DPYD: variants seen among roughly 807,000 people sequenced by gnomAD.
DPYD encodes the protein dihydropyrimidine dehydrogenase [NADP(+)].
DPYD carries 109 observed loss-of-function variants against 116.2 expected under a neutral mutation model. The observed-to-expected ratio is 0.94, with a 90% CI of 0.80 to 1.10. The LOEUF (loss-of-function observed/expected upper bound fraction) is 1.10, where lower values mean the gene tolerates loss of function less well. DPYD is among the 50% of genes least tolerant of loss of function. The pLI is 0.00. For missense variants in DPYD, 1,302 were observed against 1,254.5 expected (o/e 1.04, Z -0.57); for synonymous variants, 440 against 432.0 (o/e 1.02, Z -0.23).
intron 6 of DPYD, among the ~76,000 whole-genome samples, chr1:97,692,095 G>C (rs987459828): frequency 2.0e-5 from 3 of 151,866 alleles, no homozygotes; most frequent in Non-Finnish European, 4.4e-5. Context: ...GTTCAATAAA[G>C]TATTTGGTTG....
chr1:97,857,506 T>C (rs1278020837), intron 2 of DPYD, among the ~76,000 whole-genome samples: 1 of 152,114 alleles, frequency 6.6e-6, no homozygotes, highest in East Asian at 1.9e-4. Flanking sequence ...CAGTCACGCC[T>C]ATGTAATGAA....
At chr1:97,419,509 T>G (rs1273104606) in intron 14 of DPYD, among the ~76,000 whole-genome samples, 1 of 152,206 alleles carries the variant, frequency 6.6e-6, no homozygotes, top group Non-Finnish European at 1.5e-5. Context: ...TAATGACATC[T>G]TTGAAAATTA....
At chr1:97,750,905 A>C (rs1229533683) in intron 3 of DPYD, among the ~76,000 whole-genome samples, 1 of 152,152 alleles carries the variant, frequency 6.6e-6, no homozygotes, top group East Asian at 1.9e-4. Context: ...CATATACCAA[A>C]GGATGACCAT....
At chr1:97,361,265 A>G (rs1670709673) in intron 16 of DPYD, among the ~76,000 whole-genome samples, 1 of 152,214 alleles carries the variant, frequency 6.6e-6, no homozygotes, top group African/African-American at 2.4e-5. Flanking sequence ...AAGAAGATGA[A>G]TCTCTGAATA....
chr1:97,676,357 A>T (rs1041278188), intron 8 of DPYD, among the ~76,000 whole-genome samples: 4 of 152,140 alleles, frequency 2.6e-5, no homozygotes, highest in Non-Finnish European at 5.9e-5. Flanking sequence ...GATTTGTGTA[A>T]CTTCCGGCTC....
chr1:97,126,280 C>A (rs1296280743), intron 20 of DPYD, among the ~76,000 whole-genome samples: 1 of 152,120 alleles, frequency 6.6e-6, no homozygotes, highest in African/African-American at 2.4e-5. Context: ...TTGTTCCCAT[C>A]CTACTTGTTT....
intron 20 of DPYD, among the ~76,000 whole-genome samples, chr1:97,100,991 A>G (rs1650641532): frequency 6.6e-6 from 1 of 152,078 alleles, no homozygotes; most frequent in Non-Finnish European, 1.5e-5. Flanking sequence ...AGTCCTAAAG[A>G]GAGAATCTCA....
At chr1:97,392,876 G>T (rs1207762640) in intron 14 of DPYD, among the ~76,000 whole-genome samples, 1 of 151,822 alleles carries the variant, frequency 6.6e-6, no homozygotes, top group East Asian at 1.9e-4. Flanking sequence ...CCCTCACAAG[G>T]CTTGCAATCA....
chr1:97,559,179 T>A (rs545609496), intron 11 of DPYD, among the ~76,000 whole-genome samples: 4 of 152,104 alleles, frequency 2.6e-5, no homozygotes, highest in African/African-American at 7.2e-5. Context: ...GCAAACAAAA[T>A]TTTTTAAATG....
chr1:97,482,457 C>T (rs1408027261), intron 13 of DPYD, among the ~76,000 whole-genome samples: 1 of 152,076 alleles, frequency 6.6e-6, no homozygotes, highest in African/African-American at 2.4e-5. Context: ...GGAAAGATAC[C>T]GTTTCCATGT....
chr1:97,516,318 G>A (rs926269160), intron 12 of DPYD, among the ~76,000 whole-genome samples: 5 of 151,994 alleles, frequency 3.3e-5, no homozygotes, highest in Non-Finnish European at 5.9e-5. Context: ...GCAACGGCAA[G>A]TCAGGAGGCC....
At chr1:97,110,798 C>A (rs1570472366) in intron 20 of DPYD, among the ~76,000 whole-genome samples, 1 of 152,154 alleles carries the variant, frequency 6.6e-6, no homozygotes, top group East Asian at 1.9e-4. Flanking sequence ...AATCCTGTGG[C>A]CACATTTTTG....
At chr1:97,136,183 GGTTGGA>G (rs1216506464) in intron 20 of DPYD, among the ~76,000 whole-genome samples, 2 of 152,124 alleles carry the variant, frequency 1.3e-5, no homozygotes, top group Non-Finnish European at 2.9e-5. Flanking sequence ...TAATTTTAAA[GGTTGGA>G]AATCCAGCAT....
intron 8 of DPYD, among the ~76,000 whole-genome samples, chr1:97,665,946 G>A (rs956655856): frequency 6.6e-6 from 1 of 152,086 alleles, no homozygotes; most frequent in Non-Finnish European, 1.5e-5. Context: ...TCCAGAGGCA[G>A]AACAATAAAG....
chr1:97,830,124 A>T (rs1235031237), intron 2 of DPYD, among the ~76,000 whole-genome samples: 1 of 152,152 alleles, frequency 6.6e-6, no homozygotes, highest in East Asian at 1.9e-4. Context: ...TATATGGGCC[A>T]CATTTTCTTA....
chr1:97,721,759 G>A, intron 4 of DPYD, 88 bp from the exon 5 acceptor site: 5 of 1,269,930 alleles, frequency 3.9e-6, no homozygotes, highest in South Asian at 3.8e-5. Flanking sequence ...CTTCTACTAG[G>A]TAATCAGATT....
rs561451589 is a variant in DPYD, at chr1:97,395,699, G to A, written c.1906-13238C>T. Among the ~76,000 whole-genome samples the A allele has an allele frequency of 4.3e-4, 66 of 152,128 alleles. 1 individual carries two copies. The highest frequency in any genetic ancestry group is 1.5e-3 in the African/African-American group (62 of 41,548). On this transcript the variant is annotated intron_variant, in intron 14 of 22. Transcript: ENST00000370192. Reference sequence around the variant, plus strand: ...GGGGGCATTTATCTACCCAACCTTTGGGTGTGCGCTGATTTTGTGACTTGT... The same window carrying A: ...GGGGGCATTTATCTACCCAACCTTTAGGTGTGCGCTGATTTTGTGACTTGT...
At chr1:97,920,809 G>C in intron 1 of DPYD, 75 bp downstream of exon 1, 1 of 1,538,814 alleles carries the variant, frequency 6.5e-7, no homozygotes, top group Non-Finnish European at 8.8e-7. Context: ...GGGCCGCGGG[G>C]GCCTCCCCGG....
chr1:97,740,214 T>C (rs1664185202), intron 4 of DPYD, among the ~76,000 whole-genome samples, 178 bp downstream of exon 4: 1 of 152,164 alleles, frequency 6.6e-6, no homozygotes, highest in African/African-American at 2.4e-5. Flanking sequence ...ATTTTCATGA[T>C]AAATCACAAC....
Sources: gnomAD v4.1 joint callset for allele counts (sites outside exome capture counted in the v4.1 genomes callset) on GRCh38, gnomAD v4.1.1 for gene constraint, MANE v1.5 for transcripts, NCBI Gene and HGNC (gene_info 2026-07-23, HGNC 2026-07-21) for gene names.